Variants in DPP6 observed in about 807,000 individuals in gnomAD.
The protein encoded by DPP6 is dipeptidyl peptidase like 6.
Under a neutral mutation model 122.6 loss-of-function variants are expected in DPP6, and 69 were observed. The ratio of observed to expected loss-of-function variants is 0.56; its 90% CI spans 0.46 to 0.69. The LOEUF (loss-of-function observed/expected upper bound fraction) is 0.69. Ranked by LOEUF, DPP6 falls within the 30% of genes least tolerant of loss-of-function variation. The pLI is 0.00. For synonymous variants in DPP6, 418 were observed against 433.1 expected (o/e 0.97, Z 0.43); for missense variants, 928 against 1,116.9 (o/e 0.83, Z 2.41).
chr7:154,388,638 C>T (rs918916902), intron 1 of DPP6, among the ~76,000 whole-genome samples: 2 of 152,066 alleles, frequency 1.3e-5, no homozygotes, highest in Non-Finnish European at 2.9e-5. Flanking sequence ...CCCAGGCCAG[C>T]GTGCTCTGGC....
chr7:154,507,611 A>G (rs1429004671), intron 3 of DPP6, among the ~76,000 whole-genome samples: 1 of 152,184 alleles, frequency 6.6e-6, no homozygotes, highest in Admixed American at 6.6e-5. Context: ...CAGGGCTTTG[A>G]TGTGAACATA....
chr7:154,761,280 G>T (rs567697013), intron 8 of DPP6, among the ~76,000 whole-genome samples: 1 of 152,342 alleles, frequency 6.6e-6, no homozygotes, highest in East Asian at 1.9e-4. Flanking sequence ...TCTAGGGGCA[G>T]GTCTTGCTCA....
chr7:154,737,365 G>C (rs898087933), intron 8 of DPP6, among the ~76,000 whole-genome samples: 3 of 152,140 alleles, frequency 2.0e-5, no homozygotes, highest in Non-Finnish European at 4.4e-5. Context: ...TATTACCCGT[G>C]CTCATCCTCC....
chr7:154,625,246 A>C (rs1033575982), intron 5 of DPP6, among the ~76,000 whole-genome samples: 4 of 152,212 alleles, frequency 2.6e-5, no homozygotes, highest in Admixed American at 2.6e-4. Flanking sequence ...CTTGAAAGTC[A>C]GCAAAGTGAA....
chr7:154,535,949 G>C (rs2130182892), intron 3 of DPP6, among the ~76,000 whole-genome samples: 1 of 152,088 alleles, frequency 6.6e-6, no homozygotes, highest in East Asian at 1.9e-4. Flanking sequence ...TAGCTACTTT[G>C]GAAAATAGTT....
chr7:154,296,326 A>G (rs1452451351), intron 1 of DPP6, among the ~76,000 whole-genome samples: 1 of 152,132 alleles, frequency 6.6e-6, no homozygotes, highest in Non-Finnish European at 1.5e-5. Flanking sequence ...TTGCCTCCAC[A>G]CTATCCCCAT....
At chr7:154,298,265 T>C (rs888315622) in intron 1 of DPP6, among the ~76,000 whole-genome samples, 1 of 90,888 alleles carries the variant, frequency 1.1e-5, no homozygotes, top group Non-Finnish European at 2.5e-5. Flanking sequence ...TGTCTCTCTC[T>C]CTCCACACAC....
intron 16 of DPP6, among the ~76,000 whole-genome samples, chr7:154,843,288 C>A (rs1011517533): frequency 6.6e-6 from 1 of 152,098 alleles, no homozygotes. Flanking sequence ...GGCAACAGAG[C>A]GAGACCTTGT....
intron 19 of DPP6, among the ~76,000 whole-genome samples, chr7:154,874,216 CA>C (rs1563309775): frequency 6.6e-6 from 1 of 152,236 alleles, no homozygotes; most frequent in African/African-American, 2.4e-5. Context: ...AGGATGCTAA[CA>C]ACTTCCGAAC....
At chr7:154,063,531 AC>A (rs1222199693) in intron 1 of DPP6, among the ~76,000 whole-genome samples, 1 of 115,366 alleles carries the variant, frequency 8.7e-6, no homozygotes, top group Non-Finnish European at 1.9e-5. Context: ...AGGGGGAGGC[AC>A]CCCCCGCGAG....
intron 1 of DPP6, among the ~76,000 whole-genome samples, chr7:154,277,985 C>A (rs1282359737): frequency 6.6e-6 from 1 of 152,224 alleles, no homozygotes; most frequent in East Asian, 1.9e-4. Context: ...ACGGCTTTGC[C>A]CACACTCAAG....
At chr7:153,893,154 G>GT (rs1483111979) in intron 1 of DPP6, among the ~76,000 whole-genome samples, 1 of 152,212 alleles carries the variant, frequency 6.6e-6, no homozygotes, top group Non-Finnish European at 1.5e-5. Flanking sequence ...GGGCTGTGCT[G>GT]TTTTTTCACA....
chr7:154,344,135 C>G (rs1403712346), intron 1 of DPP6, among the ~76,000 whole-genome samples: 1 of 152,180 alleles, frequency 6.6e-6, no homozygotes, highest in African/African-American at 2.4e-5. Flanking sequence ...GCCTTTTCCT[C>G]TCTTATCTGC....
chr7:154,768,296 C>G (rs1207185512), intron 8 of DPP6, among the ~76,000 whole-genome samples: 1 of 152,228 alleles, frequency 6.6e-6, no homozygotes, highest in Admixed American at 6.5e-5. Flanking sequence ...TGTGGGCAGT[C>G]AGCCCTTGGC....
intron 7 of DPP6, among the ~76,000 whole-genome samples, chr7:154,695,653 C>A (rs1840174546): frequency 6.6e-6 from 1 of 152,112 alleles, no homozygotes; most frequent in African/African-American, 2.4e-5. Flanking sequence ...TCGGGCTCTG[C>A]AGAGCAGGCA....
chr7:154,870,073 G>A (rs1182351070), intron 18 of DPP6, among the ~76,000 whole-genome samples: 1 of 151,354 alleles, frequency 6.6e-6, no homozygotes, highest in East Asian at 1.9e-4. Context: ...TTGACCTCCC[G>A]AGCTCAAGTG....
intron 1 of DPP6, among the ~76,000 whole-genome samples, chr7:154,326,964 A>G (rs1165221890): frequency 6.6e-6 from 1 of 152,154 alleles, no homozygotes; most frequent in Non-Finnish European, 1.5e-5. Flanking sequence ...GTGGGCAGAG[A>G]GGGACGCAAA....
At chr7:154,342,391 T>C (rs1488378549) in intron 1 of DPP6, among the ~76,000 whole-genome samples, 6 of 152,202 alleles carry the variant, frequency 3.9e-5, no homozygotes, top group African/African-American at 1.4e-4. Context: ...GTTTGGGGGT[T>C]CTAGGAGGGA....
chr7:154,101,968 A>T (rs1449111596), intron 1 of DPP6, among the ~76,000 whole-genome samples: 1 of 150,224 alleles, frequency 6.7e-6, no homozygotes, highest in African/African-American at 2.5e-5. Context: ...AAGAATGTTA[A>T]CACTTCTTGC....
Sources: gnomAD v4.1 joint callset for allele counts (sites outside exome capture counted in the v4.1 genomes callset) on GRCh38, gnomAD v4.1.1 for gene constraint, MANE v1.5 for transcripts, NCBI Gene and HGNC (gene_info 2026-07-23, HGNC 2026-07-21) for gene names.